The following GPHN variants were observed in gnomAD, a reference collection of about 807,000 sequenced individuals.
The protein encoded by GPHN is gephyrin.
In GPHN, 17 loss-of-function variants were observed where a neutral mutation model predicts 95.5. The observed-to-expected ratio is 0.18, with a 90% CI of 0.12 to 0.27. The LOEUF (loss-of-function observed/expected upper bound fraction) is 0.27. Among genes scored for constraint, GPHN ranks in the 10% least tolerant of loss-of-function variants. GPHN has a pLI of 1.00. For missense variants in GPHN, 660 were observed against 978.1 expected (o/e 0.67, Z 4.34); for synonymous variants, 320 against 322.5 (o/e 0.99, Z 0.08).
chr14:66,808,199 T>G (rs1455203023), intron 3 of GPHN, among the ~76,000 whole-genome samples: 1 of 152,248 alleles, frequency 6.6e-6, no homozygotes, highest in Admixed American at 6.5e-5. Flanking sequence ...AGTGCCTGTT[T>G]AAGTCTTTTC....
the GPHN span, among the ~76,000 whole-genome samples, chr14:67,227,237 C>G: frequency 1.3e-5 from 2 of 151,584 alleles, no homozygotes; most frequent in East Asian, 3.9e-4. Context: ...GTCAGGAGTT[C>G]GAGACCAGCC....
At chr14:67,348,063 C>T in the GPHN span, among the ~76,000 whole-genome samples, 1 of 151,812 alleles carries the variant, frequency 6.6e-6, no homozygotes, top group Admixed American at 6.6e-5. Context: ...CAGGCACATG[C>T]CATGCCCAGC....
the GPHN span, among the ~76,000 whole-genome samples, chr14:67,624,828 A>T: frequency 6.6e-6 from 1 of 152,252 alleles, no homozygotes; most frequent in African/African-American, 2.4e-5. Flanking sequence ...GGGAGCATTT[A>T]TTCAAGAAAA....
the GPHN span, among the ~76,000 whole-genome samples, chr14:67,469,744 C>G: frequency 6.6e-6 from 1 of 152,238 alleles, no homozygotes; most frequent in Admixed American, 6.5e-5. Context: ...ATGCACTTCT[C>G]CAACAAAACA....
rs12436714 is a variant in GPHN, at chr14:66,533,984, G to A, written c.64+25393G>A. Reference sequence around the variant, plus strand: ...AGTTAGATGATTTATTTGAGCTTACGTATCTAAATGACTGAGTTGGGGCTA... The same window carrying A: ...AGTTAGATGATTTATTTGAGCTTACATATCTAAATGACTGAGTTGGGGCTA... On this transcript the variant is annotated intron_variant, in intron 1 of 22. Transcript: ENST00000478722. 5.3e-5 allele frequency among the ~76,000 whole-genome samples: 8 copies of A among 152,106 alleles called. No individual in the cohort carries two copies. The South Asian group carries it at 6.2e-4, about 12-fold the overall frequency.
the GPHN span, among the ~76,000 whole-genome samples, chr14:67,274,381 T>G: frequency 6.6e-6 from 1 of 152,350 alleles, no homozygotes; most frequent in African/African-American, 2.4e-5. Flanking sequence ...AAATAGGGCA[T>G]CCTTTCCCCA....
chr14:67,598,957 GCC>G, the GPHN span, among the ~76,000 whole-genome samples: 4 of 151,922 alleles, frequency 2.6e-5, no homozygotes, highest in African/African-American at 9.7e-5. Flanking sequence ...TGATCCGCCC[GCC>G]TCAGCTTCCC....
intron 1 of GPHN, 136 bp downstream of exon 1, chr14:66,508,727 A>C: frequency 1.3e-6 from 1 of 797,838 alleles, no homozygotes; most frequent in Non-Finnish European, 2.2e-6. Flanking sequence ...GGTGCATTTT[A>C]CAACCGCTGA....
the GPHN span, among the ~76,000 whole-genome samples, chr14:67,219,808 G>A: frequency 6.6e-6 from 1 of 152,042 alleles, no homozygotes; most frequent in African/African-American, 2.4e-5. Context: ...TGACTCTACT[G>A]GAGAGAAATA....
intron 18 of GPHN, among the ~76,000 whole-genome samples, chr14:67,146,016 C>T (rs2080875882): frequency 6.6e-6 from 1 of 152,206 alleles, no homozygotes; most frequent in South Asian, 2.1e-4. Flanking sequence ...CACTGGTCTG[C>T]ACTGGATACA....
the GPHN span, among the ~76,000 whole-genome samples, chr14:67,413,304 A>G: frequency 1.3e-5 from 2 of 151,814 alleles, no homozygotes; most frequent in Non-Finnish European, 1.5e-5. Flanking sequence ...GTCTCACTAT[A>G]TTGTCCAGAC....
intron 1 of GPHN, among the ~76,000 whole-genome samples, chr14:66,671,660 T>C (rs903276126): frequency 6.6e-6 from 1 of 152,224 alleles, no homozygotes; most frequent in African/African-American, 2.4e-5. Context: ...GCTTTATTAA[T>C]TATTGATTCA....
At chr14:66,548,835 C>T (rs143469216) in intron 1 of GPHN, among the ~76,000 whole-genome samples, 2,935 of 152,100 alleles carry the variant, frequency 0.019, 35 homozygotes, top group Middle Eastern at 0.034. Flanking sequence ...GTTGTGAATA[C>T]AAAGGAAAAA....
At chr14:67,383,267 G>C in the GPHN span, 5 of 1,589,084 alleles carry the variant, frequency 3.1e-6, no homozygotes, top group Non-Finnish European at 3.4e-6. Flanking sequence ...AATTAAATTT[G>C]TATAGTATTT....
At chr14:67,252,831 T>G in the GPHN span, among the ~76,000 whole-genome samples, 3 of 152,372 alleles carry the variant, frequency 2.0e-5, no homozygotes, top group South Asian at 6.2e-4. Context: ...GAGACTGTTC[T>G]GTTCTAGTCA....
chr14:66,657,322 CTG>C (rs1260305853), intron 1 of GPHN, among the ~76,000 whole-genome samples: 1 of 152,166 alleles, frequency 6.6e-6, no homozygotes, highest in African/African-American at 2.4e-5. Flanking sequence ...TAAGTCATCT[CTG>C]TAACATAAAA....
chr14:67,729,354 G>A, the GPHN span: 3 of 1,598,032 alleles, frequency 1.9e-6, no homozygotes, highest in East Asian at 6.7e-5. Context: ...CTGAGGGCCT[G>A]GAGCCCCTGA....
At chr14:67,380,361 T>C in the GPHN span, among the ~76,000 whole-genome samples, 1 of 152,180 alleles carries the variant, frequency 6.6e-6, no homozygotes, top group Non-Finnish European at 1.5e-5. Context: ...TATAAACTCC[T>C]TGAGGCAGGG....
chr14:66,821,061 A>C (rs1297009120), intron 3 of GPHN, among the ~76,000 whole-genome samples: 2 of 152,214 alleles, frequency 1.3e-5, no homozygotes, highest in African/African-American at 2.4e-5. Flanking sequence ...TGCTTTCATG[A>C]AAAAATCTTC....
Sources: gnomAD v4.1 joint callset for allele counts (sites outside exome capture counted in the v4.1 genomes callset) on GRCh38, gnomAD v4.1.1 for gene constraint, MANE v1.5 for transcripts, NCBI Gene and HGNC (gene_info 2026-07-23, HGNC 2026-07-21) for gene names.